The following COL6A3 variants were observed in gnomAD, a reference collection of about 807,000 sequenced individuals.
COL6A3 encodes collagen type VI alpha 3 chain.
A neutral mutation model predicts 274.1 loss-of-function variants in COL6A3; 137 were observed. The ratio of observed to expected loss-of-function variants is 0.50; its 90% CI spans 0.44 to 0.58. The LOEUF is 0.58. Among genes scored for constraint, COL6A3 ranks in the 20% least tolerant of loss-of-function variants. The pLI is 0.00. For missense variants in COL6A3, 3,950 were observed against 4,124.9 expected (o/e 0.96, Z 1.16); for synonymous variants, 1,650 against 1,650.6 (o/e 1.00, Z 0.01).
rs1209229928 is a variant in COL6A3 at position 237,361,808 on chromosome 2, G to A, written c.6087C>T (p.Cys2029=). ...EQLDNIAEKA[C]CGVPCKCSGQ... Reference sequence around the variant, plus strand: ...CAGAGCACTTGCAGGGAACCCCACAGCAAGCTTTCTCGGCAATGTTGTCCT... The same window carrying A: ...CAGAGCACTTGCAGGGAACCCCACAACAAGCTTTCTCGGCAATGTTGTCCT... The change falls in exon 15 of 44, where the codon TGC becomes TGT. Residue 2029 remains cysteine, a synonymous_variant. Transcript: ENST00000295550. This position sits in a 1 kb window ranked among gnomAD's most constrained non-coding sequence, Gnocchi z 5.1. 1 of 1,614,192 alleles carries A rather than the reference G, an allele frequency of 6.2e-7. No individual in the cohort carries two copies. The highest frequency in any genetic ancestry group is 1.1e-5 in the South Asian group (1 of 91,088).
intron 22 of COL6A3, 21 bp from the exon 23 acceptor site, chr2:237,357,412 A>G (rs112904691): frequency 8.7e-5 from 140 of 1,602,208 alleles, no homozygotes; most frequent in Non-Finnish European, 1.2e-4. Flanking sequence ...GAAAATTAGC[A>G]TGAGATTCTC....
chr2:237,371,195 T>C lies in COL6A3; in HGVS notation c.4285+537A>G, dbSNP rs2077677280. Among the ~76,000 whole-genome samples, 1 of 152,222 alleles carries C rather than the reference T, an allele frequency of 6.6e-6. No homozygotes were observed. Among genetic ancestry groups the C allele is most frequent in the African/African-American group, 2.4e-5 (1 of 41,464 alleles). On this transcript the variant is annotated intron_variant, in intron 9 of 43. Coordinates refer to ENST00000295550, the MANE Select transcript of COL6A3 (RefSeq NM_004369.4). The surrounding 1 kb of genome is among the most constrained non-coding windows in gnomAD (Gnocchi z 4.3). ...CCTTCCGGCCACCCTCCTATGGAGATGCCCTCATGCTTTGCCACGGTATGC... is the reference window on the plus strand; with the variant it reads ...CCTTCCGGCCACCCTCCTATGGAGACGCCCTCATGCTTTGCCACGGTATGC...
chr2:237,408,323 G>T (rs183630681), intron 1 of COL6A3, among the ~76,000 whole-genome samples: 3 of 152,116 alleles, frequency 2.0e-5, no homozygotes, highest in Admixed American at 6.5e-5. Flanking sequence ...CCTGTTGCTC[G>T]AACAGGCCAT....
Position 237,407,287 on chromosome 2 carries a change from G to A in COL6A3, c.-31+6666C>T, listed in dbSNP as rs979000801. Among the ~76,000 whole-genome samples, 8 of 152,122 alleles carry A rather than the reference G, an allele frequency of 5.3e-5. No individual in the cohort carries two copies. The highest frequency in any genetic ancestry group is 1.9e-4 in the African/African-American group (8 of 41,404). On this transcript the variant is annotated intron_variant, in intron 1 of 43. Coordinates refer to ENST00000295550, the MANE Select transcript of COL6A3 (RefSeq NM_004369.4). This position sits in a 1 kb window ranked among gnomAD's most constrained non-coding sequence, Gnocchi z 4.3. The stretch of plus-strand genomic sequence containing the variant: ...CAAACTGAATGTGTATCCTGTGATA[G>A]CAACATTTTAAAACTCTTCTCATCA...
In COL6A3 at chr2:237,381,302, T is replaced by C. The variant is rs1191274289; in HGVS notation, c.1510A>G (p.Thr504Ala). 7 of 1,614,138 alleles carry C rather than the reference T, an allele frequency of 4.3e-6. No homozygotes were observed. Among genetic ancestry groups the C allele is most frequent in the Admixed American group, 1.7e-5 (1 of 60,016 alleles). Residue 504 changes from threonine to alanine, a missense_variant, in exon 5 of 44, where the codon ACA becomes GCA. Coordinates refer to ENST00000295550, the MANE Select transcript of COL6A3 (RefSeq NM_004369.4). ...RPEFYFNTHP[T>A]KREVITAVRK... is the part of the protein sequence containing the mutation. The stretch of plus-strand genomic sequence containing the variant: ...ACAGCGGTTATGACTTCCCTTTTTG[T>C]TGGATGGGTATTGAAATAAAATTCA...
At chr2:237,352,807 A>T (rs2077235068) in intron 25 of COL6A3, among the ~76,000 whole-genome samples, 1 of 152,250 alleles carries the variant, frequency 6.6e-6, no homozygotes, top group Admixed American at 6.5e-5. Context: ...ACAAGCATTC[A>T]GACAAAAACG....
chr2:237,339,876 G>C (rs1344282100), intron 38 of COL6A3, among the ~76,000 whole-genome samples: 1 of 152,126 alleles, frequency 6.6e-6, no homozygotes, highest in Non-Finnish European at 1.5e-5. Context: ...ACCATGAGCA[G>C]GCCTTGGGAG....
intron 24 of COL6A3, among the ~76,000 whole-genome samples, chr2:237,354,308 G>T (rs903339814): frequency 7.0e-6 from 1 of 142,018 alleles, no homozygotes; most frequent in Non-Finnish European, 1.5e-5. Flanking sequence ...ATCAGCCACC[G>T]TCCTGGCCAG....
intron 11 of COL6A3, among the ~76,000 whole-genome samples, 162 bp from the exon 12 acceptor site, chr2:237,366,197 C>G (rs1201281647): frequency 6.6e-6 from 1 of 152,138 alleles, no homozygotes; most frequent in Non-Finnish European, 1.5e-5. Context: ...ATTCTATCCA[C>G]CCCTCTCACA....
intron 1 of COL6A3, among the ~76,000 whole-genome samples, chr2:237,412,337 C>T (rs578023800): frequency 3.4e-4 from 52 of 152,370 alleles, no homozygotes; most frequent in South Asian, 2.5e-3. Flanking sequence ...CCTTCTTTCT[C>T]GGTTCATTGG....
chr2:237,372,337 C>T lies in COL6A3; in HGVS notation c.3680G>A (p.Gly1227Asp). The stretch of plus-strand genomic sequence containing the variant: ...GACCACGTCCCTCTTGCCACCAACA[C>T]CTGCGAAACAAATGTGAGCATGGCT... ...QPVLQPLPSP[G>D]VGGKRDVVFL... The change falls in exon 9 of 44, where the codon GGT becomes GAT. Residue 1227 changes from glycine to aspartate, a missense_variant and splice_region_variant. By Grantham distance (94) the Gly-to-Asp change is moderately conservative. Coordinates refer to ENST00000295550, the MANE Select transcript of COL6A3 (RefSeq NM_004369.4). 1 of 1,604,320 alleles carries T rather than the reference C, an allele frequency of 6.2e-7. No individual in the cohort carries two copies. Among genetic ancestry groups the T allele is most frequent in the East Asian group, 2.2e-5 (1 of 44,876 alleles).
intron 42 of COL6A3, chr2:237,329,980 G>A (rs772312352): frequency 6.6e-6 from 1 of 152,142 alleles, no homozygotes; most frequent in African/African-American, 2.4e-5. Context: ...CTAATTTCAA[G>A]AATAAATAAT....
At chr2:237,384,108 A>G (rs946371394) in intron 4 of COL6A3, among the ~76,000 whole-genome samples, 1 of 152,164 alleles carries the variant, frequency 6.6e-6, no homozygotes, top group African/African-American at 2.4e-5. Flanking sequence ...CTGAATTCCT[A>G]TGTTTGCTTC....
In COL6A3 at chr2:237,382,919, T is replaced by C. The variant is rs149595371; in HGVS notation, c.1313-1420A>G. Among the ~76,000 whole-genome samples the C allele has an allele frequency of 4.9e-4, 75 of 152,260 alleles. No individual in the cohort carries two copies. The East Asian group carries it at 0.014, about 28-fold the overall frequency. On this transcript the variant is annotated intron_variant, in intron 4 of 43. Transcript: ENST00000295550. Reference sequence around the variant, plus strand: ...TCTCCCACCTCAGCCTCCTGAGTAGTTGGGATTACAGGTATGCACGACCAC... The same window carrying C: ...TCTCCCACCTCAGCCTCCTGAGTAGCTGGGATTACAGGTATGCACGACCAC...
chr2:237,353,665 G>C (rs562708434), intron 24 of COL6A3, among the ~76,000 whole-genome samples: 1 of 152,264 alleles, frequency 6.6e-6, no homozygotes, highest in South Asian at 2.1e-4. Context: ...GGATCATTTA[G>C]ACCTAAAGCA....
chr2:237,410,227 T>A (rs2078821009), intron 1 of COL6A3, among the ~76,000 whole-genome samples: 1 of 151,570 alleles, frequency 6.6e-6, no homozygotes, highest in Non-Finnish European at 1.5e-5. Context: ...TACACCTCCC[T>A]CTAGAGGAAA....
At chr2:237,358,120 G>T (rs979067054) in intron 21 of COL6A3, among the ~76,000 whole-genome samples, 1 of 152,220 alleles carries the variant, frequency 6.6e-6, no homozygotes, top group Non-Finnish European at 1.5e-5. Context: ...GGAGGAGGAT[G>T]CCCCAGGCTC....
rs774606469 is a variant in COL6A3, at chr2:237,365,843, A to G, written c.5693T>C (p.Val1898Ala). The change falls in exon 12 of 44, where the codon GTG becomes GCG. Residue 1898 changes from valine to alanine, a missense_variant. Val to Ala is a moderately conservative substitution (Grantham distance 64). Coordinates refer to ENST00000295550, the MANE Select transcript of COL6A3 (RefSeq NM_004369.4). ...SVVANTPSGP[V>A]EAFDFDEYQP... is the part of the protein sequence containing the mutation. ...GTACTCGTCAAAGTCAAAGGCCTCC[A>G]CCGGGCCCGAGGGCGTGTTGGCCAC... is the stretch of plus-strand genomic sequence containing the variant. The G allele has an allele frequency of 3.3e-5, 53 of 1,614,030 alleles. No individual in the cohort carries two copies. The highest frequency in any genetic ancestry group is 1.6e-4 in the Middle Eastern group (1 of 6,084).
intron 6 of COL6A3, 79 bp downstream of exon 6, chr2:237,378,557 T>C: frequency 6.2e-7 from 1 of 1,604,060 alleles, no homozygotes; most frequent in Non-Finnish European, 8.5e-7. Context: ...ACAGTGCTCT[T>C]GAGTTCAGAC....
Sources: gnomAD v4.1 joint callset for allele counts (sites outside exome capture counted in the v4.1 genomes callset) on GRCh38, gnomAD v4.1.1 for gene constraint, Gnocchi (gnomAD v3.1) non-coding constraint, MANE v1.5 for transcripts, NCBI Gene and HGNC (gene_info 2026-07-23, HGNC 2026-07-21) for gene names.